Variants in FAM167A observed in about 807,000 individuals in gnomAD.
FAM167A encodes the protein family with sequence similarity 167 member A, also known as protein FAM167A.
In FAM167A, 23 loss-of-function variants were observed where a neutral mutation model predicts 14.9. The observed-to-expected ratio is 1.55, with a 90% CI of 1.11 to 2.19. FAM167A has a LOEUF of 2.19. Among genes scored for constraint, FAM167A ranks in the 30% most tolerant of loss-of-function variants. The probability of loss-of-function intolerance (pLI) is 0.00; values close to 1 mark genes in which losing one functional copy is unlikely to be tolerated. For missense variants in FAM167A, 401 were observed against 281.5 expected (o/e 1.42, Z -3.04); for synonymous variants, 174 against 117.7 (o/e 1.48, Z -3.10).
intron 2 of FAM167A, among the ~76,000 whole-genome samples, chr8:11,436,307 C>G (rs1287339806): frequency 6.6e-6 from 1 of 152,222 alleles, no homozygotes; most frequent in Non-Finnish European, 1.5e-5. Flanking sequence ...CAAGGCCTTC[C>G]TCAACTTCCC....
chr8:11,452,181 T>G (rs959326308), intron 1 of FAM167A, among the ~76,000 whole-genome samples: 4 of 152,122 alleles, frequency 2.6e-5, no homozygotes, highest in African/African-American at 7.2e-5. Flanking sequence ...TCTTACTGAG[T>G]CTGTCCACAT....
At chr8:11,438,069 C>A (rs973438009) in intron 2 of FAM167A, 7 of 446,534 alleles carry the variant, frequency 1.6e-5, no homozygotes, top group South Asian at 7.9e-5. Flanking sequence ...GAGCCCTGAC[C>A]CATCCACCTT....
intron 1 of FAM167A, among the ~76,000 whole-genome samples, chr8:11,462,795 GC>G (rs1807591659): frequency 6.6e-6 from 1 of 152,204 alleles, no homozygotes; most frequent in African/African-American, 2.4e-5. Flanking sequence ...GAAAGCATCT[GC>G]TCCAGAGGCA....
chr8:11,445,340 G>T, intron 1 of FAM167A: 2 of 986,210 alleles, frequency 2.0e-6, no homozygotes, highest in Non-Finnish European at 2.4e-6. Context: ...CCCACCACAG[G>T]TCCTGTCCTC....
At chr8:11,434,628 G>T (rs1805868034) in intron 2 of FAM167A, among the ~76,000 whole-genome samples, 1 of 152,194 alleles carries the variant, frequency 6.6e-6, no homozygotes, top group African/African-American at 2.4e-5. Context: ...CTTGGAAGGT[G>T]TGGGCCAAAC....
upstream of FAM167A, among the ~76,000 whole-genome samples, chr8:11,467,124 C>T (rs574287316): frequency 1.3e-5 from 2 of 152,374 alleles, no homozygotes; most frequent in African/African-American, 4.8e-5. Context: ...TCACCCACCC[C>T]CAAACGGCAG....
chr8:11,444,026 C>G lies in FAM167A; in HGVS notation c.381+5G>C. ...TTCTGGGGATTCTTGGGGGCAGCCA[C>G]TCACCAGTTCCTTCCTGAGCCAGGC... On this transcript the variant is annotated splice_donor_5th_base_variant and intron_variant, in intron 2 of 2. Transcript: ENST00000284486. The G allele has an allele frequency of 6.2e-7, 1 of 1,604,464 alleles. No homozygotes were observed. The highest frequency in any genetic ancestry group is 8.5e-7 in the Non-Finnish European group (1 of 1,174,904).
intron 2 of FAM167A, among the ~76,000 whole-genome samples, chr8:11,425,918 T>C (rs1013443222): frequency 6.6e-5 from 10 of 152,218 alleles, no homozygotes; most frequent in Non-Finnish European, 1.3e-4. Flanking sequence ...CTGTAGAGCA[T>C]TTCCATTAAT....
chr8:11,424,214 G>A lies in FAM167A; in HGVS notation c.*159C>T. On this transcript the variant is annotated 3_prime_UTR_variant, in exon 3 of 3. Coordinates refer to ENST00000284486, the MANE Select transcript of FAM167A (RefSeq NM_053279.3). ...GCATCCACACCCAGGGCCCCTGGGT[G>A]GGAGAGCACCACTGAATAGGTCCTG... 1.2e-6 allele frequency: 1 copy of A among 843,516 alleles called. No homozygotes were observed. The highest frequency in any genetic ancestry group is 1.8e-6 in the Non-Finnish European group (1 of 556,688). The allele number at this position is 843,516 out of a possible 1,614,324, so 52.3% of individuals were successfully genotyped here.
At chr8:11,428,507 C>T (rs931865084) in intron 2 of FAM167A, among the ~76,000 whole-genome samples, 2 of 152,210 alleles carry the variant, frequency 1.3e-5, no homozygotes, top group Non-Finnish European at 2.9e-5. Context: ...ATGGTGATTC[C>T]GGCCGGTCTC....
intron 1 of FAM167A, among the ~76,000 whole-genome samples, chr8:11,474,963 C>T (rs1385951036): frequency 6.6e-6 from 1 of 152,100 alleles, no homozygotes; most frequent in Non-Finnish European, 1.5e-5. Context: ...GAGAAAGGTT[C>T]AGAGTGGGTT....
At chr8:11,443,940 G>T (rs752895539) in intron 2 of FAM167A, 91 bp downstream of exon 2, 1 of 1,432,154 alleles carries the variant, frequency 7.0e-7, no homozygotes, top group African/African-American at 1.4e-5. Flanking sequence ...ACATGGTGGG[G>T]GTGGGGAGAC....
At chr8:11,454,899 G>A (rs1352378058) in intron 1 of FAM167A, among the ~76,000 whole-genome samples, 4 of 152,168 alleles carry the variant, frequency 2.6e-5, no homozygotes, top group African/African-American at 4.8e-5. Flanking sequence ...AGCTGCTGCC[G>A]GGAGCCAGGC....
At chr8:11,426,679 AT>A in intron 2 of FAM167A, among the ~76,000 whole-genome samples, 1 of 152,094 alleles carries the variant, frequency 6.6e-6, no homozygotes. Context: ...AGAGGAAGAA[AT>A]TTTTTAAAGG....
At chr8:11,461,992 A>T (rs1230495889) in intron 1 of FAM167A, among the ~76,000 whole-genome samples, 3 of 152,214 alleles carry the variant, frequency 2.0e-5, no homozygotes, top group Non-Finnish European at 4.4e-5. Flanking sequence ...GTGTGGCCTC[A>T]GCCTGGCTTG....
rs146979421 is a variant in FAM167A at position 11,424,591 on chromosome 8, G to T, written c.427C>A (p.Arg143Ser). Reference sequence around the variant, plus strand: ...AGCTTGTTGATGTCGCCACGCAGGCGCATGAGCTGTCTGGCCAGTTGCTGG... The same window carrying T: ...AGCTTGTTGATGTCGCCACGCAGGCTCATGAGCTGTCTGGCCAGTTGCTGG... ...QDQQLARQLM[R>S]LRGDINKLKI... The change falls in exon 3 of 3, where the codon CGC (arginine) becomes AGC (serine). Residue 143 changes from arginine to serine, a missense_variant. Physicochemically the swap from Arg to Ser is moderately radical, Grantham distance 110. Transcript: ENST00000284486. 4.3e-6 allele frequency: 7 copies of T among 1,614,056 alleles called. No homozygotes were observed. The highest frequency in any genetic ancestry group is 1.7e-5 in the Admixed American group (1 of 60,032).
In FAM167A at chr8:11,424,705, T is replaced by C. The variant is rs1055995813; in HGVS notation, c.382-69A>G. 22 of 1,576,108 alleles carry C rather than the reference T, an allele frequency of 1.4e-5. 1 individual carries two copies. The South Asian group carries it at 2.5e-4, about 18-fold the overall frequency. On this transcript the variant is annotated intron_variant, in intron 2 of 2. Coordinates refer to ENST00000284486, the MANE Select transcript of FAM167A (RefSeq NM_053279.3). ...GAGTCCCTGACAGGCACAGACTGGT[T>C]AGCAGGGCCCTGACTAATGTCTTAG...
intron 2 of FAM167A, chr8:11,438,321 G>A (rs1806183341): frequency 2.4e-6 from 1 of 412,906 alleles, no homozygotes; most frequent in Non-Finnish European, 4.8e-6. Flanking sequence ...GCAGCTCCCT[G>A]GCCAGCAGCC....
At chr8:11,437,123 AG>A (rs1399758751) in intron 2 of FAM167A, among the ~76,000 whole-genome samples, 15 of 152,350 alleles carry the variant, frequency 9.8e-5, no homozygotes, top group Non-Finnish European at 1.5e-4. Flanking sequence ...TTCAGCTGCC[AG>A]GGGCCTCACA....
Sources: allele counts gnomAD v4.1 joint callset (sites outside exome capture counted in the v4.1 genomes callset), GRCh38; gene constraint gnomAD v4.1.1; transcripts MANE v1.5; gene names NCBI Gene and HGNC (gene_info 2026-07-23, HGNC 2026-07-21).